SLC6A2: variants seen among roughly 807,000 people sequenced by gnomAD.
SLC6A2 encodes the protein sodium-dependent noradrenaline transporter.
In SLC6A2, 26 loss-of-function variants were observed where a neutral mutation model predicts 71.7. That is an observed-to-expected ratio of 0.36 (90% confidence interval 0.27 to 0.50). The LOEUF (loss-of-function observed/expected upper bound fraction) is 0.50. Among genes scored for constraint, SLC6A2 ranks in the 20% least tolerant of loss-of-function variants. The probability of loss-of-function intolerance (pLI) is 0.96; values close to 1 mark genes in which losing one functional copy is unlikely to be tolerated. For missense variants in SLC6A2, 581 were observed against 803.9 expected (o/e 0.72, Z 3.35); for synonymous variants, 363 against 337.9 (o/e 1.07, Z -0.82).
Position 55,695,300 on chromosome 16 carries a change from A to G in SLC6A2, c.1045A>G (p.Ile349Val). The G allele has an allele frequency of 6.2e-7, 1 of 1,614,200 alleles. No homozygotes were observed. The highest frequency in any genetic ancestry group is 1.3e-5 in the African/African-American group (1 of 75,056). ...CAGGGATGCCCTGCTGACCAGCAGC[A>G]TCAACTGTATCACCAGCTTCGTCTC... is the stretch of plus-strand genomic sequence containing the variant. ...CYRDALLTSSINCITSFVSGF... is the reference protein window; with the variant it reads ...CYRDALLTSSVNCITSFVSGF... Residue 349 changes from isoleucine (I) to valine (V), a missense_variant, in exon 8 of 15, where the codon ATC (isoleucine) becomes GTC (valine). Ile to Val is a conservative substitution (Grantham distance 29). Around this residue, in one of 5 missense-constraint regions of SLC6A2, gnomAD observed 334 missense variants for 449.0 expected, o/e 0.74. Transcript: ENST00000568943.
intron 2 of SLC6A2, among the ~76,000 whole-genome samples, chr16:55,658,713 G>C (rs1964527835): frequency 6.6e-6 from 1 of 152,204 alleles, no homozygotes; most frequent in South Asian, 2.1e-4. Context: ...AGACCAGATA[G>C]CTGGAACAGC....
chr16:55,677,258 T>C (rs565859871), intron 4 of SLC6A2, among the ~76,000 whole-genome samples: 1 of 152,240 alleles, frequency 6.6e-6, no homozygotes, highest in South Asian at 2.1e-4. Flanking sequence ...GAACATGGTT[T>C]GGAGGGGAAG....
intron 2 of SLC6A2, among the ~76,000 whole-genome samples, chr16:55,664,690 C>T (rs1413739258): frequency 6.6e-6 from 1 of 152,188 alleles, no homozygotes; most frequent in Non-Finnish European, 1.5e-5. Flanking sequence ...GTATTATTAT[C>T]GCATTTACAA....
chr16:55,695,853 C>T (rs1401004463), intron 8 of SLC6A2, among the ~76,000 whole-genome samples: 1 of 152,176 alleles, frequency 6.6e-6, no homozygotes, highest in Non-Finnish European at 1.5e-5. Flanking sequence ...TGTGTCCTTC[C>T]CTGCAGCTTC....
intron 6 of SLC6A2, among the ~76,000 whole-genome samples, chr16:55,692,422 G>A (rs1319013251): frequency 6.6e-6 from 1 of 152,088 alleles, no homozygotes; most frequent in Non-Finnish European, 1.5e-5. Context: ...TCTACTCTTG[G>A]ATCCCCAAAC....
chr16:55,691,774 G>A, intron 5 of SLC6A2, 144 bp from the exon 6 acceptor site: 1 of 942,782 alleles, frequency 1.1e-6, no homozygotes, highest in South Asian at 1.4e-5. Context: ...CTTGCCTAGA[G>A]CTGGAACTTG....
At position 55,687,744 on chromosome 16, in the gene SLC6A2, G is replaced by C. The variant is rs1030990834; in HGVS notation, c.783+2463G>C. ...CTTCTAACATTGCACCCCAAGATTG[G>C]GTTCCCCAATGCCATCACCAAAGAG... On this transcript the variant is annotated intron_variant, in intron 5 of 14. Coordinates refer to ENST00000568943, the MANE Select transcript of SLC6A2 (RefSeq NM_001172501.3). Among the ~76,000 whole-genome samples, 4 of 152,314 alleles carry C rather than the reference G, an allele frequency of 2.6e-5. No individual in the cohort carries two copies. The South Asian group carries it at 8.3e-4, about 32-fold the overall frequency.
At chr16:55,677,567 T>A (rs1425829121) in intron 4 of SLC6A2, among the ~76,000 whole-genome samples, 1 of 152,104 alleles carries the variant, frequency 6.6e-6, no homozygotes, top group Admixed American at 6.6e-5. Context: ...AGCCCTAAGC[T>A]TCCTCCAGGC....
intron 4 of SLC6A2, among the ~76,000 whole-genome samples, chr16:55,682,447 G>T (rs761581074): frequency 2.6e-5 from 4 of 152,160 alleles, no homozygotes; most frequent in Admixed American, 6.5e-5. Context: ...GTGATCCTGG[G>T]ATCTCATTTT....
intron 6 of SLC6A2, among the ~76,000 whole-genome samples, chr16:55,692,679 C>A (rs1965671994): frequency 6.6e-6 from 1 of 152,212 alleles, no homozygotes; most frequent in Admixed American, 6.5e-5. Context: ...TTACTTCTAG[C>A]CTCCTCTTGC....
chr16:55,677,452 G>A (rs1965126050), intron 4 of SLC6A2, among the ~76,000 whole-genome samples: 1 of 152,148 alleles, frequency 6.6e-6, no homozygotes, highest in South Asian at 2.1e-4. Flanking sequence ...TTCCTCCGCT[G>A]ATGTCTTCAT....
At position 55,671,964 on chromosome 16, in the gene SLC6A2, G is replaced by T; in HGVS notation, c.433G>T (p.Ala145Ser). 1 of 1,614,034 alleles carries T rather than the reference G, an allele frequency of 6.2e-7. No homozygotes were observed. Among genetic ancestry groups the T allele is most frequent in the South Asian group, 1.1e-5 (1 of 91,072 alleles). ...CGTTGGCTATGCTGTCATCCTGATC[G>T]CCCTGTACGTTGGCTTCTACTACAA... ...KGVGYAVILI[A>S]LYVGFYYNVI... Residue 145 changes from alanine to serine, a missense_variant, in exon 4 of 15, where the codon GCC becomes TCC. Physicochemically the swap from Ala to Ser is moderately conservative, Grantham distance 99. Around this residue, in one of 5 missense-constraint regions of SLC6A2, gnomAD observed 81 missense variants for 152.4 expected, o/e 0.53. Transcript: ENST00000568943.
At chr16:55,698,158 C>T (rs1322568900) in intron 10 of SLC6A2, 133 bp downstream of exon 10, 12 of 977,164 alleles carry the variant, frequency 1.2e-5, no homozygotes, top group East Asian at 2.4e-5. Flanking sequence ...CTCAATTCAG[C>T]GGCCTGACCC....
At chr16:55,671,348 G>A (rs530423640) in intron 3 of SLC6A2, among the ~76,000 whole-genome samples, 35 of 152,244 alleles carry the variant, frequency 2.3e-4, no homozygotes, top group African/African-American at 8.2e-4. Flanking sequence ...TGCCCACTGG[G>A]GGCAAGCAGG....
chr16:55,691,254 AGAGAGAGAGAGAG>A (rs1567451328), intron 5 of SLC6A2, among the ~76,000 whole-genome samples: 1 of 143,078 alleles, frequency 7.0e-6, no homozygotes. Flanking sequence ...AGAGAGAGAG[AGAGAGAGAGAGAG>A]AGAGAGAGAG....
chr16:55,700,081 C>T (rs138615012), intron 12 of SLC6A2, 58 bp from the exon 13 acceptor site: 1 of 1,483,758 alleles, frequency 6.7e-7, no homozygotes, highest in African/African-American at 1.4e-5. Flanking sequence ...TCTCTCTTTC[C>T]TTTCTTGTCT....
At chr16:55,664,052 C>T (rs2062723) in intron 2 of SLC6A2, among the ~76,000 whole-genome samples, 78,116 of 151,830 alleles carry the variant, frequency 0.51, 20,289 homozygotes, top group East Asian at 0.59. Flanking sequence ...CATGCCTATC[C>T]AATGACATCT....
Position 55,705,000 on chromosome 16 carries a change from C to A in SLC6A2, c.*2654C>A. On this transcript the variant is annotated 3_prime_UTR_variant, in exon 15 of 15. Coordinates refer to ENST00000568943, the MANE Select transcript of SLC6A2 (RefSeq NM_001172501.3). The stretch of plus-strand genomic sequence containing the variant: ...GAGTATGGGCTTTATGTTAAGTCAT[C>A]TTTGACTTCCTTTTTGTAGCTTGTT... 2 of 479,252 alleles carry A rather than the reference C, an allele frequency of 4.2e-6. No homozygotes were observed. Among genetic ancestry groups the A allele is most frequent in the Non-Finnish European group, 7.4e-6 (2 of 271,438 alleles). The allele number at this position is 479,252 out of a possible 1,614,324, so 29.7% of individuals were successfully genotyped here. A position where few individuals can be genotyped will look rare whatever the true frequency, so the allele number is the denominator to read the frequency against.
intron 13 of SLC6A2, among the ~76,000 whole-genome samples, chr16:55,701,187 C>T (rs1383258988): frequency 1.3e-5 from 2 of 152,102 alleles, no homozygotes; most frequent in East Asian, 1.9e-4. Context: ...TCCTTGGGAG[C>T]CACAAGGAAA....
Sources: allele counts gnomAD v4.1 joint callset (sites outside exome capture counted in the v4.1 genomes callset), GRCh38; gene constraint gnomAD v4.1.1; regional missense constraint gnomAD v4.1.1; transcripts MANE v1.5; gene names NCBI Gene and HGNC (gene_info 2026-07-23, HGNC 2026-07-21).